INVS: variants seen among roughly 807,000 people sequenced by gnomAD.
The protein encoded by INVS is inversion of embryo turning homolog.
INVS carries 86 observed loss-of-function variants against 108.8 expected under a neutral mutation model. That is an observed-to-expected ratio of 0.79 (90% confidence interval 0.66 to 0.95). The LOEUF (loss-of-function observed/expected upper bound fraction) is 0.95. Ranked by LOEUF, INVS falls within the 40% of genes least tolerant of loss-of-function variation. The probability of loss-of-function intolerance (pLI) is 0.00; values close to 1 mark genes in which losing one functional copy is unlikely to be tolerated. For missense variants in INVS, 1,169 were observed against 1,297.4 expected (o/e 0.90, Z 1.52); for synonymous variants, 455 against 473.5 (o/e 0.96, Z 0.51).
Position 100,297,156 on chromosome 9 carries a change from CTTCT to C in INVS, c.3016+11_3016+14del. On this transcript the variant is annotated intron_variant, in intron 15 of 16. Coordinates refer to ENST00000262457, the MANE Select transcript of INVS (RefSeq NM_014425.5). ...CTTAAGCAAATCTATGGTAACTGTCCTTCTGCCTACTTTGTAGTTCACAAGTACC... is the reference window on the plus strand; with the variant it reads ...CTTAAGCAAATCTATGGTAACTGTCCGCCTACTTTGTAGTTCACAAGTACC... 1 of 1,606,296 alleles carries C rather than the reference CTTCT, an allele frequency of 6.2e-7. No individual in the cohort carries two copies. Among genetic ancestry groups the C allele is most frequent in the East Asian group, 2.2e-5 (1 of 44,750 alleles).
At chr9:100,153,363 T>C (rs532904739) in intron 3 of INVS, among the ~76,000 whole-genome samples, 36 of 152,014 alleles carry the variant, frequency 2.4e-4, no homozygotes, top group African/African-American at 8.2e-4. Flanking sequence ...AAAAGACCAA[T>C]GATCCTATAA....
At chr9:100,207,160 T>C (rs143455735) in intron 3 of INVS, among the ~76,000 whole-genome samples, 6 of 145,798 alleles carry the variant, frequency 4.1e-5, no homozygotes, top group Non-Finnish European at 7.4e-5. Context: ...AATTTGAAAC[T>C]ATATAAATAT....
chr9:100,240,957 T>G (rs886479928), intron 6 of INVS, among the ~76,000 whole-genome samples: 77 of 152,118 alleles, frequency 5.1e-4, no homozygotes, highest in Non-Finnish European at 1.0e-4. Flanking sequence ...GTGGCTACTT[T>G]TAAATTTATC....
chr9:100,175,193 G>A, intron 3 of INVS: 1 of 522,694 alleles, frequency 1.9e-6, no homozygotes. Context: ...TGTGCATCCA[G>A]CTTGTCCCCA....
At chr9:100,228,479 A>G (rs945906450) in intron 4 of INVS, among the ~76,000 whole-genome samples, 1 of 152,178 alleles carries the variant, frequency 6.6e-6, no homozygotes, top group African/African-American at 2.4e-5. Flanking sequence ...CTATGCATGT[A>G]TTTTTTTATA....
chr9:100,140,211 A>G (rs890854704), intron 3 of INVS, among the ~76,000 whole-genome samples: 9 of 152,176 alleles, frequency 5.9e-5, no homozygotes, highest in African/African-American at 2.2e-4. Flanking sequence ...GAGACCACCA[A>G]ACAGGCTTTG....
chr9:100,221,685 T>C (rs1831156363), intron 3 of INVS, among the ~76,000 whole-genome samples: 1 of 151,390 alleles, frequency 6.6e-6, no homozygotes, highest in African/African-American at 2.4e-5. Flanking sequence ...TCTTTCTCAG[T>C]GAAAAAAAAA....
At chr9:100,274,787 G>C (rs147834737) in intron 12 of INVS, among the ~76,000 whole-genome samples, 1 of 152,174 alleles carries the variant, frequency 6.6e-6, no homozygotes, top group African/African-American at 2.4e-5. Context: ...CTACAGGCAT[G>C]AGCCACTGTG....
At chr9:100,294,851 T>G (rs1315633592) in intron 14 of INVS, among the ~76,000 whole-genome samples, 9 of 152,194 alleles carry the variant, frequency 5.9e-5, no homozygotes, top group Admixed American at 5.9e-4. Context: ...GTGCCACTGT[T>G]CAAACTAGTT....
In INVS at chr9:100,284,457, G is replaced by A. The variant is rs1385597728; in HGVS notation, c.1922G>A (p.Ser641Asn). The A allele has an allele frequency of 3.7e-6, 6 of 1,614,048 alleles. No individual in the cohort carries two copies. The highest frequency in any genetic ancestry group is 2.2e-5 in the East Asian group (1 of 44,896). The part of the protein sequence containing the change: ...DVPSRQSRAP[S>N]KQPPAGNVAQ... ...CCCAGCAGGCAGAGCCGGGCCCCCA[G>A]CAAGCAGCCTCCTGCTGGCAACGTG... Residue 641 changes from serine (S) to asparagine (N), a missense_variant, in exon 13 of 17, where the codon AGC becomes AAC. Physicochemically the swap from Ser to Asn is conservative, Grantham distance 46. This residue lies in a region of INVS where 533 missense variants were observed against 536.0 expected (regional missense o/e 0.99). Transcript: ENST00000262457.
rs757452977 is a variant in INVS at position 100,300,538 on chromosome 9, T to A, written c.3092-30T>A. ...CCTTCAGCCTTAAAATTAATAACCT[T>A]AATATCTATCTGGTATTTGTTTTTA... On this transcript the variant is annotated intron_variant, in intron 16 of 16. Transcript: ENST00000262457. The A allele has an allele frequency of 3.1e-5, 42 of 1,376,672 alleles. 1 individual carries two copies. In the South Asian group the frequency reaches 4.9e-4, roughly 16 times the overall value. 85.3% of individuals were successfully genotyped at this position (1,376,672 alleles called of 1,614,324 possible).
chr9:100,129,932 G>T, intron 3 of INVS: 1 of 433,610 alleles, frequency 2.3e-6, no homozygotes, highest in East Asian at 3.3e-5. Flanking sequence ...GAGAAAGAAT[G>T]CAAGAATCTG....
intron 2 of INVS, among the ~76,000 whole-genome samples, chr9:100,121,280 T>A (rs1490702421): frequency 1.3e-5 from 2 of 152,142 alleles, no homozygotes; most frequent in African/African-American, 4.8e-5. Context: ...CAAAATCCCT[T>A]CATATTTGCC....
rs398124271 is a variant in INVS, at chr9:100,253,131, A to C, written c.1459A>C (p.Lys487Gln). The C allele has an allele frequency of 5.2e-5, 84 of 1,609,046 alleles. No individual in the cohort carries two copies. The highest frequency in any genetic ancestry group is 3.2e-4 in the Admixed American group (19 of 59,980). ...ENNADPNIQD[K>Q]EGRTALHWSC... is the part of the protein sequence containing the mutation. ...CAATGCAGACCCTAACATTCAAGACAAAGAGGTAGAAATTCTGTCTTTTCT... is the reference window on the plus strand; with the variant it reads ...CAATGCAGACCCTAACATTCAAGACCAAGAGGTAGAAATTCTGTCTTTTCT... The change falls in exon 10 of 17, where the codon AAA becomes CAA. Residue 487 changes from lysine to glutamine, a missense_variant. Physicochemically the swap from Lys to Gln is moderately conservative, Grantham distance 53 (BLOSUM62 1). This residue lies in a region of INVS where 271 missense variants were observed against 363.8 expected (regional missense o/e 0.74). Transcript: ENST00000262457.
At chr9:100,169,460 G>C (rs1262100791) in intron 3 of INVS, among the ~76,000 whole-genome samples, 1 of 152,066 alleles carries the variant, frequency 6.6e-6, no homozygotes. Context: ...ACCTCTGCAA[G>C]GCCAAGTAAA....
rs1564198584 is a variant in INVS at position 100,302,053 on chromosome 9, A to G, written c.*1379A>G. Reference sequence around the variant, plus strand: ...AGGAACGCCCAAACATTATTTTCATATATCAGTGCAAAGAAAGAAGGTTCG... The same window carrying G: ...AGGAACGCCCAAACATTATTTTCATGTATCAGTGCAAAGAAAGAAGGTTCG... On this transcript the variant is annotated 3_prime_UTR_variant, in exon 17 of 17. Coordinates refer to ENST00000262457, the MANE Select transcript of INVS (RefSeq NM_014425.5). 5 of 526,192 alleles carry G rather than the reference A, an allele frequency of 9.5e-6. No homozygotes were observed. The highest frequency in any genetic ancestry group is 2.9e-5 in the East Asian group (1 of 34,230). The allele number at this position is 526,192 out of a possible 1,614,324, so 32.6% of individuals were successfully genotyped here.
intron 2 of INVS, among the ~76,000 whole-genome samples, chr9:100,119,745 G>A (rs1392706074): frequency 2.6e-5 from 4 of 152,148 alleles, no homozygotes; most frequent in African/African-American, 9.7e-5. Flanking sequence ...TTTTTTAGTA[G>A]CGATGGGGTT....
intron 5 of INVS, among the ~76,000 whole-genome samples, chr9:100,239,246 T>C (rs1831788979): frequency 6.6e-6 from 1 of 152,224 alleles, no homozygotes; most frequent in Admixed American, 6.5e-5. Context: ...TAAATGTTCC[T>C]CAGTAGGAAA....
At chr9:100,286,364 G>A (rs995426389) in intron 13 of INVS, among the ~76,000 whole-genome samples, 1 of 152,086 alleles carries the variant, frequency 6.6e-6, no homozygotes, top group Non-Finnish European at 1.5e-5. Flanking sequence ...GACCAGCCTG[G>A]CCAACTTGGC....
Sources: allele counts gnomAD v4.1 joint callset (sites outside exome capture counted in the v4.1 genomes callset), GRCh38; gene constraint gnomAD v4.1.1; regional missense constraint gnomAD v4.1.1; transcripts MANE v1.5; gene names NCBI Gene and HGNC (gene_info 2026-07-23, HGNC 2026-07-21).